The following LOXL4 variants were observed in gnomAD, a reference collection of about 807,000 sequenced individuals.
LOXL4 encodes the protein lysyl oxidase like 4.
In LOXL4, 72 loss-of-function variants were observed where a neutral mutation model predicts 89.1. The observed-to-expected ratio is 0.81, with a 90% CI of 0.67 to 0.98. The LOEUF (loss-of-function observed/expected upper bound fraction) is 0.98. Among genes scored for constraint, LOXL4 ranks in the 50% least tolerant of loss-of-function variants. The probability of loss-of-function intolerance (pLI) is 0.00; values close to 1 mark genes in which losing one functional copy is unlikely to be tolerated. For synonymous variants in LOXL4, 355 were observed against 392.1 expected (o/e 0.91, Z 1.12); for missense variants, 984 against 1,017.5 (o/e 0.97, Z 0.45).
intron 11 of LOXL4, 106 bp downstream of exon 11, chr10:98,253,447 C>G (rs1858262115): frequency 6.6e-7 from 1 of 1,509,858 alleles, no homozygotes; most frequent in African/African-American, 1.4e-5. Flanking sequence ...AGAGCGCACA[C>G]CCCTCCCAGG....
At chr10:98,260,468 G>A (rs577967824) in intron 4 of LOXL4, among the ~76,000 whole-genome samples, 62 of 143,500 alleles carry the variant, frequency 4.3e-4, no homozygotes, top group African/African-American at 1.4e-3. Flanking sequence ...TGTTTTCACC[G>A]GGGGCGGGGG....
At chr10:98,267,023 G>C in intron 1 of LOXL4, among the ~76,000 whole-genome samples, 1 of 152,226 alleles carries the variant, frequency 6.6e-6, no homozygotes, top group East Asian at 1.9e-4. Context: ...AGGTGGAAGG[G>C]AAAGAGGAGG....
chr10:98,256,755 C>A, intron 9 of LOXL4, 25 bp downstream of exon 9: 1 of 1,613,542 alleles, frequency 6.2e-7, no homozygotes, highest in Non-Finnish European at 8.5e-7. Flanking sequence ...AGAGGTCATA[C>A]GGAAGAAACA....
In LOXL4 at chr10:98,262,140, C is replaced by T. The variant is rs772430622; in HGVS notation, c.351G>A (p.Trp117Ter). The T allele has an allele frequency of 1.9e-6, 3 of 1,613,630 alleles. No individual in the cohort carries two copies. The highest frequency in any genetic ancestry group is 2.5e-6 in the Non-Finnish European group (3 of 1,179,988). ...CTGAGTGACTGCAGTCACTGACTCC[C>T]CAGCCATTAGACCCGCACTGGTCCA... Reference protein sequence around the residue: ...SSLDQCGSNGWGVSDCSHSED... With the variant: ...SSLDQCGSNG Residue 117 changes from tryptophan to a stop codon, truncating the protein, a stop_gained, in exon 3 of 15, where the codon TGG becomes TGA. Coordinates refer to ENST00000260702, the MANE Select transcript of LOXL4 (RefSeq NM_032211.7). LOFTEE classifies it high-confidence loss of function.
At chr10:98,259,358 T>G in intron 5 of LOXL4, 33 bp downstream of exon 5, 1 of 1,610,386 alleles carries the variant, frequency 6.2e-7, no homozygotes, top group Non-Finnish European at 8.5e-7. Flanking sequence ...GCCACACCCC[T>G]TTGCCTCCTC....
At chr10:98,255,429 AT>A (rs764124571) in intron 10 of LOXL4, 147 bp downstream of exon 10, 38 of 833,980 alleles carry the variant, frequency 4.6e-5, no homozygotes, top group Non-Finnish European at 6.2e-5. Flanking sequence ...GGGATGGGTG[AT>A]TTGGCCACAC....
At position 98,259,070 on chromosome 10, in the gene LOXL4, A is replaced by G. The variant is rs1489227349; in HGVS notation, c.860T>C (p.Val287Ala). The G allele has an allele frequency of 6.3e-7, 1 of 1,583,924 alleles. No homozygotes were observed. Among genetic ancestry groups the G allele is most frequent in the Non-Finnish European group, 8.6e-7 (1 of 1,164,182 alleles). ...PGGMHAVVSC[V>A]AGPHFRPPKT... ...CGGTGGGCGGAAGTGAGGCCCTGCCACACAGCTGACCACAGCGTGCATGCC... is the reference window on the plus strand; with the variant it reads ...CGGTGGGCGGAAGTGAGGCCCTGCCGCACAGCTGACCACAGCGTGCATGCC... The change falls in exon 6 of 15, where the codon GTG becomes GCG. Residue 287 changes from valine (V) to alanine (A), a missense_variant. Transcript: ENST00000260702.
In LOXL4 at chr10:98,259,140, G is replaced by A; in HGVS notation, c.790C>T (p.Gln264Ter). 1 of 1,611,592 alleles carries A rather than the reference G, an allele frequency of 6.2e-7. No individual in the cohort carries two copies. The highest frequency in any genetic ancestry group is 8.5e-7 in the Non-Finnish European group (1 of 1,179,570). Residue 264 changes from glutamine to a stop codon, truncating the protein, a stop_gained, in exon 6 of 15, where the codon CAG (glutamine) becomes TAG (stop). Coordinates refer to ENST00000260702, the MANE Select transcript of LOXL4 (RefSeq NM_032211.7). LOFTEE classifies it high-confidence loss of function. ...AGCTTGCCCCGGGCTGGAGCCACCTGCACCTGGCAGTTGGCCATGTGGGGC... is the reference window on the plus strand; with the variant it reads ...AGCTTGCCCCGGGCTGGAGCCACCTACACCTGGCAGTTGGCCATGTGGGGC... ...TEPHMANCQV[Q>*]VAPARGKLRP...
At chr10:98,265,884 C>A (rs1172010982) in intron 1 of LOXL4, among the ~76,000 whole-genome samples, 1 of 152,154 alleles carries the variant, frequency 6.6e-6, no homozygotes, top group Non-Finnish European at 1.5e-5. Flanking sequence ...CACTGCAGAG[C>A]CTAGATGCTC....
intron 6 of LOXL4, among the ~76,000 whole-genome samples, chr10:98,258,567 C>T (rs1042290449): frequency 7.9e-5 from 12 of 151,456 alleles, no homozygotes; most frequent in East Asian, 1.9e-4. Flanking sequence ...TACCACCTCA[C>T]GAGGCCATCT....
Position 98,248,831 on chromosome 10 carries a change from C to A in LOXL4, c.*90G>T. The A allele has an allele frequency of 1.6e-6, 2 of 1,240,248 alleles. No individual in the cohort carries two copies. The highest frequency in any genetic ancestry group is 2.3e-6 in the Non-Finnish European group (2 of 866,498). 76.8% of individuals were successfully genotyped at this position (1,240,248 alleles called of 1,614,324 possible). On this transcript the variant is annotated 3_prime_UTR_variant, in exon 15 of 15. Transcript: ENST00000260702. ...GGTGCCCCTTGGCACTGGCCCTTTT[C>A]CTCTGAGTTGGGACTCTGTGAAGGG...
At position 98,251,143 on chromosome 10, in the gene LOXL4, A is replaced by C; in HGVS notation, c.2122T>G (p.Ser708Ala). The change falls in exon 14 of 15, where the codon TCA becomes GCA. Residue 708 changes from serine (S) to alanine (A), a missense_variant. Coordinates refer to ENST00000260702, the MANE Select transcript of LOXL4 (RefSeq NM_032211.7). ...IVNPHYEVAE[S>A]DFSNNMLQCR... is the part of the protein sequence containing the mutation. ...TGCAGCATATTGTTGGAGAAATCTG[A>C]CTCTGCCACTTCATAGTGGGGGTTC... is the stretch of plus-strand genomic sequence containing the variant. 6.2e-7 allele frequency: 1 copy of C among 1,614,020 alleles called. No individual in the cohort carries two copies. Among genetic ancestry groups the C allele is most frequent in the South Asian group, 1.1e-5 (1 of 91,048 alleles).
Position 98,259,172 on chromosome 10 carries a change from C to T in LOXL4, c.758G>A (p.Gly253Glu). Reference protein sequence around the residue: ...SFWIHQVTCLGTEPHMANCQV... With the variant: ...SFWIHQVTCLETEPHMANCQV... Reference sequence around the variant, plus strand: ...GCAGTTGGCCATGTGGGGCTCTGTCCCCAGGCAGGTGACCTGGTGGATCCA... The same window carrying T: ...GCAGTTGGCCATGTGGGGCTCTGTCTCCAGGCAGGTGACCTGGTGGATCCA... Residue 253 changes from glycine (G) to glutamate (E), a missense_variant, in exon 6 of 15, where the codon GGG becomes GAG. Coordinates refer to ENST00000260702, the MANE Select transcript of LOXL4 (RefSeq NM_032211.7). The T allele has an allele frequency of 6.2e-7, 1 of 1,612,238 alleles. No individual in the cohort carries two copies. Among genetic ancestry groups the T allele is most frequent in the Non-Finnish European group, 8.5e-7 (1 of 1,179,842 alleles).
chr10:98,256,436 A>G, intron 9 of LOXL4: 1 of 333,012 alleles, frequency 3.0e-6, no homozygotes, highest in East Asian at 8.4e-5. Flanking sequence ...CACTCTCGAG[A>G]GAGAGCCACA....
chr10:98,257,232 T>G (rs576759514), intron 8 of LOXL4, among the ~76,000 whole-genome samples: 1 of 152,174 alleles, frequency 6.6e-6, no homozygotes, highest in Non-Finnish European at 1.5e-5. Flanking sequence ...TGCAAAGGGC[T>G]TTCATGTCCC....
chr10:98,257,003 G>T (rs1295067445), intron 8 of LOXL4, 56 bp from the exon 9 acceptor site: 1 of 1,572,118 alleles, frequency 6.4e-7, no homozygotes, highest in Non-Finnish European at 8.6e-7. Flanking sequence ...AAGAGCTCAG[G>T]GCTGCGAGCC....
At chr10:98,261,337 G>A (rs1858535054) in intron 3 of LOXL4, among the ~76,000 whole-genome samples, 1 of 152,236 alleles carries the variant, frequency 6.6e-6, no homozygotes, top group South Asian at 2.1e-4. Flanking sequence ...ACCTCAGCTT[G>A]TCTAAGCCCT....
At chr10:98,249,139 CT>C (rs1478586019) in intron 14 of LOXL4, 148 bp from the exon 15 acceptor site, 20 of 657,856 alleles carry the variant, frequency 3.0e-5, no homozygotes, top group Non-Finnish European at 5.2e-5. Flanking sequence ...AGAAATAGGC[CT>C]GGGACAGGTG....
intron 9 of LOXL4, 139 bp downstream of exon 9, chr10:98,256,641 C>T: frequency 1.1e-6 from 1 of 924,562 alleles, no homozygotes; most frequent in East Asian, 2.5e-5. Flanking sequence ...TCCCAGCACT[C>T]AGCATCATGT....
Sources: gnomAD v4.1 joint callset for allele counts (sites outside exome capture counted in the v4.1 genomes callset) on GRCh38, gnomAD v4.1.1 for gene constraint, MANE v1.5 for transcripts, NCBI Gene and HGNC (gene_info 2026-07-23, HGNC 2026-07-21) for gene names.